Variants in CFAP43 observed in about 807,000 individuals in gnomAD.
CFAP43 encodes the protein cilia- and flagella-associated protein 43.
CFAP43 carries 155 observed loss-of-function variants against 218.9 expected under a neutral mutation model. The ratio of observed to expected loss-of-function variants is 0.71; its 90% CI spans 0.62 to 0.81. The LOEUF is 0.81. CFAP43 is among the 30% of genes least tolerant of loss of function. The pLI is 0.00. For synonymous variants in CFAP43, 645 were observed against 681.3 expected (o/e 0.95, Z 0.83); for missense variants, 1,778 against 1,954.3 (o/e 0.91, Z 1.70).
At chr10:104,141,924 A>T (rs1341896233) in intron 33 of CFAP43, among the ~76,000 whole-genome samples, 7 of 152,206 alleles carry the variant, frequency 4.6e-5, no homozygotes, top group Non-Finnish European at 1.0e-4. Flanking sequence ...GTCTACATGG[A>T]AAGTTCTTAG....
intron 24 of CFAP43, among the ~76,000 whole-genome samples, chr10:104,162,644 G>A (rs2088938905): frequency 3.9e-5 from 6 of 152,030 alleles, no homozygotes; most frequent in Admixed American, 3.9e-4. Context: ...TTATAACAGG[G>A]AACCTGATAG....
In CFAP43 at chr10:104,188,332, G is replaced by C. The variant is rs1297403205; in HGVS notation, c.1625C>G (p.Ser542Trp). The C allele has an allele frequency of 6.2e-7, 1 of 1,614,144 alleles. No homozygotes were observed. Among genetic ancestry groups the C allele is most frequent in the African/African-American group, 1.3e-5 (1 of 75,044 alleles). Residue 542 changes from serine to tryptophan, a missense_variant, in exon 13 of 38, where the codon TCG (serine) becomes TGG (tryptophan). By Grantham distance (177) the Ser-to-Trp change is radical. Around this residue, in one of 3 missense-constraint regions of CFAP43, gnomAD observed 1,553 missense variants for 1,685.2 expected, o/e 0.92. Coordinates refer to ENST00000357060, the MANE Select transcript of CFAP43 (RefSeq NM_025145.7). ...CCTGCTTCTCCCTGCTTCTGGAAGC[G>C]AGGAAAGCACCATCACTTCCACTAT... ...TDIVEVMVLS[S>W]LPEAGRSRLE...
At chr10:104,162,097 G>T in intron 25 of CFAP43, 56 bp from the exon 26 acceptor site, 1 of 1,564,558 alleles carries the variant, frequency 6.4e-7, no homozygotes, top group Non-Finnish European at 8.7e-7. Flanking sequence ...GACATTCCAG[G>T]TGGCTCCAGA....
chr10:104,218,074 C>T (rs1014220525), intron 3 of CFAP43, among the ~76,000 whole-genome samples: 8 of 152,032 alleles, frequency 5.3e-5, no homozygotes, highest in African/African-American at 1.2e-4. Flanking sequence ...CAAGGCCGGG[C>T]GCAGTGGCTC....
At chr10:104,229,849 AGCTATAC>A (rs2091403660) in intron 2 of CFAP43, among the ~76,000 whole-genome samples, 1 of 152,154 alleles carries the variant, frequency 6.6e-6, no homozygotes, top group Non-Finnish European at 1.5e-5. Context: ...TGACTTTAGA[AGCTATAC>A]AAACATCAAT....
intron 3 of CFAP43, among the ~76,000 whole-genome samples, chr10:104,215,060 G>A (rs976952111): frequency 7.2e-5 from 11 of 152,006 alleles, no homozygotes; most frequent in Admixed American, 3.9e-4. Flanking sequence ...GCTTGAACCT[G>A]GGAGGCGGAG....
At position 104,185,079 on chromosome 10, in the gene CFAP43, A is replaced by AT; in HGVS notation, c.2077dup (p.Met693AsnfsTer13). The AT allele has an allele frequency of 1.2e-6, 2 of 1,614,170 alleles. No homozygotes were observed. The highest frequency in any genetic ancestry group is 1.7e-6 in the Non-Finnish European group (2 of 1,180,024). On this transcript the variant is annotated frameshift_variant, in exon 16 of 38. Transcript: ENST00000357060. LOFTEE classifies it high-confidence loss of function. ...ATTCACCAGAATGTTTTGTCCATCC[A>AT]TTGAAATTCTCATTGACTGAATCCC...
intron 16 of CFAP43, 116 bp downstream of exon 16, chr10:104,184,900 T>G: frequency 6.8e-7 from 1 of 1,463,538 alleles, no homozygotes; most frequent in East Asian, 2.4e-5. Context: ...TAACAAACTT[T>G]CTTTGCACTG....
chr10:104,132,892 A>G lies in CFAP43; in HGVS notation c.4597-696T>C, dbSNP rs150037725. The G allele has an allele frequency of 1.1e-3, 808 of 735,300 alleles. 21 individuals are homozygous for G. The highest frequency in any genetic ancestry group is 3.3e-3 in the East Asian group (25 of 7,686). The allele number at this position is 735,300 out of a possible 1,614,324, so 45.5% of individuals were successfully genotyped here. A position where few individuals can be genotyped will look rare whatever the true frequency, so the allele number is the denominator to read the frequency against. On this transcript the variant is annotated intron_variant, in intron 35 of 37. Transcript: ENST00000357060. ...TCTTCATGGGAAAATGATCACATAG[A>G]TATGATTGGTTGCCAGAAGCCATGT...
intron 4 of CFAP43, among the ~76,000 whole-genome samples, chr10:104,213,951 T>C (rs1384119669): frequency 6.6e-6 from 1 of 152,162 alleles, no homozygotes; most frequent in Non-Finnish European, 1.5e-5. Context: ...TTTAAAATAG[T>C]AAGGACAAAT....
chr10:104,130,269 C>T lies in CFAP43; in HGVS notation c.4868G>A (p.Arg1623Gln), dbSNP rs752348444. The change falls in exon 38 of 38, where the codon CGG becomes CAG. Residue 1623 changes from arginine (R) to glutamine (Q), a missense_variant. Around this residue, in one of 3 missense-constraint regions of CFAP43, gnomAD observed 211 missense variants for 230.6 expected, o/e 0.91. Coordinates refer to ENST00000357060, the MANE Select transcript of CFAP43 (RefSeq NM_025145.7). Reference protein sequence around the residue: ...KLTCEKIVKERYENMMQQQKL... With the variant: ...KLTCEKIVKEQYENMMQQQKL... ...CTGCTGTTGCATCATGTTTTCATACCGTTCTTTGACAATCTTTTCACAAGT... is the reference window on the plus strand; with the variant it reads ...CTGCTGTTGCATCATGTTTTCATACTGTTCTTTGACAATCTTTTCACAAGT... The T allele has an allele frequency of 1.9e-5, 31 of 1,611,082 alleles. No individual in the cohort carries two copies. The highest frequency in any genetic ancestry group is 2.2e-5 in the East Asian group (1 of 44,724).
intron 10 of CFAP43, among the ~76,000 whole-genome samples, chr10:104,194,636 C>T (rs11191944): frequency 0.1 from 15,294 of 152,100 alleles, 830 homozygotes; most frequent in Middle Eastern, 0.18. Context: ...CAAAGAAATG[C>T]GTAACAGATT....
In CFAP43 at chr10:104,185,133, CA is replaced by C; in HGVS notation, c.2023del (p.Trp675GlyfsTer15). The C allele has an allele frequency of 6.2e-7, 1 of 1,613,720 alleles. No homozygotes were observed. The highest frequency in any genetic ancestry group is 8.5e-7 in the Non-Finnish European group (1 of 1,179,920). ...ACCCTGGTGAGAATGACTCCGACACCAAGCAAATGTTTCCTCAATAGTTAAG... is the reference window on the plus strand; with the variant it reads ...ACCCTGGTGAGAATGACTCCGACACCAGCAAATGTTTCCTCAATAGTTAAG... The part of the protein sequence containing the change: ...RDVYTLETFA[W>X]CRSHSHQGHG... On this transcript the variant is annotated frameshift_variant, in exon 16 of 38. Coordinates refer to ENST00000357060, the MANE Select transcript of CFAP43 (RefSeq NM_025145.7). LOFTEE classifies it high-confidence loss of function.
intron 23 of CFAP43, 68 bp downstream of exon 23, chr10:104,166,420 G>A: frequency 9.0e-7 from 1 of 1,116,234 alleles, no homozygotes; most frequent in South Asian, 1.5e-5. Context: ...TGTTTTCAAT[G>A]TGAGGCCTTG....
At chr10:104,206,170 CA>C (rs2090681989) in intron 6 of CFAP43, 140 bp from the exon 7 acceptor site, 1 of 649,586 alleles carries the variant, frequency 1.5e-6, no homozygotes, top group Admixed American at 3.3e-5. Flanking sequence ...ATGTAACTAA[CA>C]TAGATGCTAG....
At chr10:104,229,539 C>T (rs2091393646) in intron 2 of CFAP43, among the ~76,000 whole-genome samples, 1 of 151,664 alleles carries the variant, frequency 6.6e-6, no homozygotes, top group African/African-American at 2.4e-5. Context: ...TGGCGCACAC[C>T]TGTAATCCCA....
chr10:104,216,506 TGGCTTCACTGG>T (rs989650865), intron 3 of CFAP43, among the ~76,000 whole-genome samples: 4 of 152,160 alleles, frequency 2.6e-5, no homozygotes, highest in Admixed American at 6.5e-5. Flanking sequence ...ACACGCCCAG[TGGCTTCACTGG>T]GGCTTCACTG....
At chr10:104,201,799 G>A (rs1417743956) in intron 8 of CFAP43, among the ~76,000 whole-genome samples, 1 of 151,662 alleles carries the variant, frequency 6.6e-6, no homozygotes, top group East Asian at 1.9e-4. Context: ...TTCCCACCTG[G>A]GATCATTTTC....
chr10:104,171,147 A>G (rs2089392489), intron 20 of CFAP43, among the ~76,000 whole-genome samples: 1 of 152,224 alleles, frequency 6.6e-6, no homozygotes, highest in Non-Finnish European at 1.5e-5. Context: ...TATACTATGT[A>G]GAGATTTGTT....
Sources: gnomAD v4.1 joint callset for allele counts (sites outside exome capture counted in the v4.1 genomes callset) on GRCh38, gnomAD v4.1.1 for gene constraint, gnomAD v4.1.1 regional missense constraint, MANE v1.5 for transcripts, NCBI Gene and HGNC (gene_info 2026-07-23, HGNC 2026-07-21) for gene names.